GPM6A: variants seen among roughly 807,000 people sequenced by gnomAD.
The protein encoded by GPM6A is neuronal membrane glycoprotein M6-a.
GPM6A carries 7 observed loss-of-function variants against 32.1 expected under a neutral mutation model. That is an observed-to-expected ratio of 0.22 (90% confidence interval 0.12 to 0.41). GPM6A has a LOEUF of 0.41. GPM6A is among the 10% of genes least tolerant of loss of function. GPM6A has a pLI of 1.00. For synonymous variants in GPM6A, 130 were observed against 123.4 expected, an observed-to-expected ratio of 1.05 and a Z score of -0.35; for missense variants, 235 against 347.2, an observed-to-expected ratio of 0.68 and a Z score of 2.57.
At chr4:175,846,949 A>G (rs1350730034) in intron 1 of GPM6A, among the ~76,000 whole-genome samples, 1 of 152,138 alleles carries the variant, frequency 6.6e-6, no homozygotes, top group Non-Finnish European at 1.5e-5. Context: ...GGTCAAAAAC[A>G]AATAAGAATT....
intron 1 of GPM6A, among the ~76,000 whole-genome samples, chr4:175,929,524 C>T (rs577652605): frequency 1.3e-5 from 2 of 152,244 alleles, no homozygotes; most frequent in African/African-American, 4.8e-5. Context: ...TAAAACTGTC[C>T]TGACCCATAT....
intron 3 of GPM6A, among the ~76,000 whole-genome samples, chr4:175,666,241 G>C (rs988640892): frequency 6.6e-6 from 1 of 151,964 alleles, no homozygotes. Flanking sequence ...CTTTTGACCC[G>C]TGTTCCCAAT....
intron 1 of GPM6A, among the ~76,000 whole-genome samples, chr4:175,837,492 A>G (rs1735804554): frequency 1.3e-5 from 2 of 152,204 alleles, no homozygotes; most frequent in Non-Finnish European, 2.9e-5. Context: ...CCCAGAAGGG[A>G]GAGAATGATG....
chr4:175,679,703 T>A (rs1463664313), intron 2 of GPM6A, among the ~76,000 whole-genome samples: 1 of 152,212 alleles, frequency 6.6e-6, no homozygotes, highest in Non-Finnish European at 1.5e-5. Context: ...GATTTGTCTA[T>A]TTGTTAGTGA....
At chr4:175,733,630 TA>T (rs540426467) in intron 1 of GPM6A, among the ~76,000 whole-genome samples, 31 of 149,348 alleles carry the variant, frequency 2.1e-4, no homozygotes, top group African/African-American at 3.9e-4. Context: ...TTCTTCCACT[TA>T]AAAAAAAAAG....
intron 3 of GPM6A, among the ~76,000 whole-genome samples, chr4:175,673,446 A>G (rs1485599986): frequency 6.6e-6 from 1 of 152,040 alleles, no homozygotes; most frequent in Non-Finnish European, 1.5e-5. Flanking sequence ...CAGTGTTGCT[A>G]CCTCTAGAAA....
At chr4:175,904,741 C>T (rs1162235178) in intron 1 of GPM6A, among the ~76,000 whole-genome samples, 1 of 152,082 alleles carries the variant, frequency 6.6e-6, no homozygotes, top group Non-Finnish European at 1.5e-5. Flanking sequence ...TGCATAATTC[C>T]TGAGTGCTTT....
intron 1 of GPM6A, among the ~76,000 whole-genome samples, chr4:175,832,308 T>C (rs1358160167): frequency 1.3e-5 from 2 of 152,218 alleles, no homozygotes; most frequent in African/African-American, 2.4e-5. Context: ...AACCTCAACC[T>C]CAGCTAAACA....
intron 1 of GPM6A, among the ~76,000 whole-genome samples, chr4:175,856,251 A>G (rs1334144295): frequency 3.9e-5 from 6 of 152,242 alleles, no homozygotes; most frequent in Non-Finnish European, 8.8e-5. Context: ...TAATTATAAC[A>G]AATATACCGT....
intron 1 of GPM6A, among the ~76,000 whole-genome samples, chr4:175,730,208 C>T (rs7697313): frequency 0.084 from 12,813 of 151,984 alleles, 833 homozygotes; most frequent in East Asian, 0.29. Flanking sequence ...TTGCTGCTTG[C>T]ATTTTTACAT....
At chr4:175,754,923 C>A (rs548174880) in intron 1 of GPM6A, among the ~76,000 whole-genome samples, 2 of 151,956 alleles carry the variant, frequency 1.3e-5, no homozygotes, top group Non-Finnish European at 2.9e-5. Flanking sequence ...ATCTCAATTT[C>A]TGTGTCCTTT....
intron 1 of GPM6A, among the ~76,000 whole-genome samples, chr4:175,953,075 TC>T (rs1452972934): frequency 2.0e-5 from 3 of 147,640 alleles, no homozygotes; most frequent in Admixed American, 6.7e-5. Flanking sequence ...AAAACAGAAA[TC>T]CCCTTGCCTT....
chr4:175,958,733 T>C (rs905045177), intron 1 of GPM6A, among the ~76,000 whole-genome samples: 4 of 152,216 alleles, frequency 2.6e-5, no homozygotes, highest in Non-Finnish European at 5.9e-5. Context: ...CTGTGTTATC[T>C]ACATTGCCAC....
At chr4:175,967,713 A>G (rs1740371402) in intron 1 of GPM6A, among the ~76,000 whole-genome samples, 1 of 152,192 alleles carries the variant, frequency 6.6e-6, no homozygotes. Flanking sequence ...AATCTAACAA[A>G]ATATACACAA....
chr4:175,652,360 TA>T (rs755240866), intron 3 of GPM6A, among the ~76,000 whole-genome samples: 31 of 152,126 alleles, frequency 2.0e-4, no homozygotes, highest in Non-Finnish European at 3.2e-4. Flanking sequence ...TCAGGAGAAT[TA>T]AAAGTCTGTC....
chr4:175,670,619 A>G (rs1743002843), intron 3 of GPM6A, among the ~76,000 whole-genome samples: 1 of 152,132 alleles, frequency 6.6e-6, no homozygotes, highest in African/African-American at 2.4e-5. Flanking sequence ...TTTTCATATA[A>G]TGTTTTAATA....
At chr4:175,666,813 G>T (rs1742780080) in intron 3 of GPM6A, among the ~76,000 whole-genome samples, 1 of 152,176 alleles carries the variant, frequency 6.6e-6, no homozygotes, top group African/African-American at 2.4e-5. Flanking sequence ...TATCCAGATT[G>T]TTACCTTGGG....
intron 1 of GPM6A, among the ~76,000 whole-genome samples, chr4:175,800,359 A>G (rs1331568467): frequency 6.6e-6 from 1 of 152,214 alleles, no homozygotes; most frequent in African/African-American, 2.4e-5. Context: ...ATATAAGTCC[A>G]TTTTAGATAA....
intron 1 of GPM6A, among the ~76,000 whole-genome samples, chr4:175,846,341 T>C (rs1736086955): frequency 6.6e-6 from 1 of 152,154 alleles, no homozygotes; most frequent in Non-Finnish European, 1.5e-5. Flanking sequence ...TGAAATCCTA[T>C]TTTAAGATCC....
Sources: allele counts gnomAD v4.1 joint callset (sites outside exome capture counted in the v4.1 genomes callset), GRCh38; gene constraint gnomAD v4.1.1; transcripts MANE v1.5; gene names NCBI Gene and HGNC (gene_info 2026-07-23, HGNC 2026-07-21).